Variants in PCDH9 observed in about 807,000 individuals in gnomAD.
PCDH9 encodes protocadherin-9.
PCDH9 carries 24 observed loss-of-function variants against 70.6 expected under a neutral mutation model. The observed-to-expected ratio is 0.34, with a 90% CI of 0.25 to 0.48. The LOEUF is 0.48. Ranked by LOEUF, PCDH9 falls within the 20% of genes least tolerant of loss-of-function variation. The pLI, the probability that PCDH9 is intolerant of heterozygous loss-of-function variation, is 0.99. For missense variants in PCDH9, 1,281 were observed against 1,503.6 expected, an observed-to-expected ratio of 0.85 and a Z score of 2.45; for synonymous variants, 562 against 558.5, an observed-to-expected ratio of 1.01 and a Z score of -0.09.
At chr13:67,132,783 A>G (rs1594555767) in intron 2 of PCDH9, among the ~76,000 whole-genome samples, 1 of 152,126 alleles carries the variant, frequency 6.6e-6, no homozygotes, top group Admixed American at 6.6e-5. Flanking sequence ...TAGGAGGTCA[A>G]TAAAATTCAA....
intron 3 of PCDH9, among the ~76,000 whole-genome samples, chr13:66,874,034 G>T (rs912393671): frequency 6.8e-6 from 1 of 145,992 alleles, no homozygotes; most frequent in Non-Finnish European, 1.5e-5. Flanking sequence ...TGTGTCTCCC[G>T]AACTCAAGTG....
At chr13:66,924,692 C>T (rs991102478) in intron 2 of PCDH9, among the ~76,000 whole-genome samples, 1 of 151,722 alleles carries the variant, frequency 6.6e-6, no homozygotes, top group African/African-American at 2.4e-5. Context: ...TATACATGAG[C>T]ATAGCTACAT....
At chr13:66,349,154 C>T (rs1210710469) in intron 4 of PCDH9, among the ~76,000 whole-genome samples, 1 of 152,152 alleles carries the variant, frequency 6.6e-6, no homozygotes, top group Non-Finnish European at 1.5e-5. Flanking sequence ...GAAGAAAACA[C>T]TTCATTACCT....
rs1042430187 is a variant in PCDH9 at position 66,590,442 on chromosome 13, T to A, written c.3340+40768A>T. On this transcript the variant is annotated intron_variant, in intron 4 of 4. Coordinates refer to ENST00000377865, the MANE Select transcript of PCDH9 (RefSeq NM_203487.3). ...TTTTCAAAGTTATCTAAGTTCATGTTAAACTATGAATTGGTTGGTACACAA... is the reference window on the plus strand; with the variant it reads ...TTTTCAAAGTTATCTAAGTTCATGTAAAACTATGAATTGGTTGGTACACAA... Among the ~76,000 whole-genome samples the A allele has an allele frequency of 2.6e-5, 4 of 152,090 alleles. 1 individual carries two copies. Among genetic ancestry groups the A allele is most frequent in the South Asian group, 4.2e-4 (2 of 4,810 alleles).
intron 4 of PCDH9, among the ~76,000 whole-genome samples, chr13:66,583,558 G>A (rs2076922935): frequency 1.3e-5 from 2 of 151,736 alleles, no homozygotes; most frequent in African/African-American, 4.8e-5. Context: ...AAGTTACAGT[G>A]CGCTGAGATC....
At chr13:67,160,435 T>G (rs2138414819) in intron 2 of PCDH9, among the ~76,000 whole-genome samples, 1 of 152,088 alleles carries the variant, frequency 6.6e-6, no homozygotes, top group African/African-American at 2.4e-5. Flanking sequence ...TAGTCCCAGC[T>G]ATTCGGGAGA....
At chr13:66,688,888 T>A (rs371537305) in intron 3 of PCDH9, among the ~76,000 whole-genome samples, 5 of 152,302 alleles carry the variant, frequency 3.3e-5, no homozygotes, top group African/African-American at 1.2e-4. Context: ...AAATTTTTTA[T>A]ATGAAATCAT....
chr13:66,491,025 AT>A (rs1959024464), intron 4 of PCDH9, among the ~76,000 whole-genome samples: 1 of 152,162 alleles, frequency 6.6e-6, no homozygotes, highest in Non-Finnish European at 1.5e-5. Context: ...TCTCACTTTG[AT>A]TGATATATAC....
intron 2 of PCDH9, among the ~76,000 whole-genome samples, chr13:66,907,185 C>T (rs1305089252): frequency 6.6e-6 from 1 of 152,114 alleles, no homozygotes; most frequent in African/African-American, 2.4e-5. Flanking sequence ...GCCTGGGCGA[C>T]AGAACGAGAT....
intron 3 of PCDH9, among the ~76,000 whole-genome samples, chr13:66,696,453 A>G (rs1204159091): frequency 6.6e-6 from 1 of 152,198 alleles, no homozygotes; most frequent in Admixed American, 6.5e-5. Context: ...CCATATTTAT[A>G]ACAATGTCAG....
At chr13:66,353,830 TCTAA>T (rs1188893169) in intron 4 of PCDH9, among the ~76,000 whole-genome samples, 1 of 152,148 alleles carries the variant, frequency 6.6e-6, no homozygotes, top group African/African-American at 2.4e-5. Flanking sequence ...TGTATTTTTA[TCTAA>T]CTGTCTCCAG....
intron 4 of PCDH9, among the ~76,000 whole-genome samples, chr13:66,482,026 G>T (rs896766398): frequency 1.3e-5 from 2 of 152,008 alleles, no homozygotes; most frequent in Non-Finnish European, 1.5e-5. Flanking sequence ...AACCCAGTGT[G>T]TTCACCAAAA....
Position 66,906,318 on chromosome 13 carries a change from T to C in PCDH9, c.3037-2713A>G, listed in dbSNP as rs114080359. 8.9e-3 allele frequency among the ~76,000 whole-genome samples: 1,353 copies of C among 152,288 alleles called. 25 individuals carry two copies. Among genetic ancestry groups the C allele is most frequent in the African/African-American group, 0.031 (1,290 of 41,546 alleles). ...ATGAATTCTCATGAGCCATGAGTAA[T>C]TTGATAATAGTTCAAACATGAAGAA... On this transcript the variant is annotated intron_variant, in intron 2 of 4. Coordinates refer to ENST00000377865, the MANE Select transcript of PCDH9 (RefSeq NM_203487.3).
At chr13:66,320,129 G>T (rs576539057) in intron 4 of PCDH9, among the ~76,000 whole-genome samples, 4 of 152,132 alleles carry the variant, frequency 2.6e-5, no homozygotes, top group Admixed American at 2.6e-4. Context: ...TTTGAAATGT[G>T]CTTTATATAT....
At chr13:66,507,128 C>T (rs112087761) in intron 4 of PCDH9, among the ~76,000 whole-genome samples, 2,289 of 152,196 alleles carry the variant, frequency 0.015, 28 homozygotes, top group Non-Finnish European at 0.021. Flanking sequence ...CCAACTTTTC[C>T]CCCTGCTGTA....
chr13:66,805,293 A>G (rs187627415), intron 3 of PCDH9, among the ~76,000 whole-genome samples: 1 of 152,276 alleles, frequency 6.6e-6, no homozygotes, highest in African/African-American at 2.4e-5. Context: ...CTAATTATCA[A>G]ACAAGGGAAC....
chr13:66,618,782 T>C (rs2077389037), intron 4 of PCDH9, among the ~76,000 whole-genome samples: 1 of 152,186 alleles, frequency 6.6e-6, no homozygotes, highest in African/African-American at 2.4e-5. Context: ...GAAGATTACA[T>C]ATCCAGGGTT....
intron 2 of PCDH9, among the ~76,000 whole-genome samples, chr13:67,129,629 A>G: frequency 1.0e-5 from 1 of 97,164 alleles, no homozygotes; most frequent in Admixed American, 1.1e-4. Flanking sequence ...AAATATACAT[A>G]TATATATATG....
At chr13:66,437,204 G>A (rs763620812) in intron 4 of PCDH9, among the ~76,000 whole-genome samples, 1 of 151,508 alleles carries the variant, frequency 6.6e-6, no homozygotes, top group Non-Finnish European at 1.5e-5. Context: ...TCAGGAGATC[G>A]AAACCATCCT....
Sources: allele counts gnomAD v4.1 joint callset (sites outside exome capture counted in the v4.1 genomes callset), GRCh38; gene constraint gnomAD v4.1.1; transcripts MANE v1.5; gene names NCBI Gene and HGNC (gene_info 2026-07-23, HGNC 2026-07-21).